UHRF1: variants seen among roughly 807,000 people sequenced by gnomAD.
The protein encoded by UHRF1 is ubiquitin like with PHD and ring finger domains 1.
Under a neutral mutation model 96.5 loss-of-function variants are expected in UHRF1, and 9 were observed. That is an observed-to-expected ratio of 0.09 (90% confidence interval 0.06 to 0.16). The LOEUF (loss-of-function observed/expected upper bound fraction) is 0.16. Ranked by LOEUF, UHRF1 falls within the 10% of genes least tolerant of loss-of-function variation. The pLI is 1.00. For synonymous variants in UHRF1, 455 were observed against 469.9 expected, an observed-to-expected ratio of 0.97 and a Z score of 0.41; for missense variants, 626 against 1,131.1, an observed-to-expected ratio of 0.55 and a Z score of 6.40.
chr19:4,946,624 G>A (rs1404471042), intron 10 of UHRF1, among the ~76,000 whole-genome samples: 3 of 151,576 alleles, frequency 2.0e-5, no homozygotes, highest in Non-Finnish European at 4.4e-5. Context: ...ATTCTGGCTG[G>A]AGTGCAGTGG....
At chr19:4,955,105 T>C (rs1190529427) in intron 15 of UHRF1, among the ~76,000 whole-genome samples, 1 of 151,558 alleles carries the variant, frequency 6.6e-6, no homozygotes, top group East Asian at 1.9e-4. Context: ...GCTCCCCAGC[T>C]CCGGCACCCC....
In UHRF1 at chr19:4,932,761, T is replaced by C; in HGVS notation, c.590T>C (p.Val197Ala). ...CCCAGCTACCCGGAGAACGGCGTGG[T>C]CCAGATGAACTCCAGGGACGTCCGA... ...KYDDYPENGV[V>A]QMNSRDVRAR... Residue 197 changes from valine to alanine, a missense_variant, in exon 5 of 17, where the codon GTC becomes GCC. Around this residue, in one of 11 missense-constraint regions of UHRF1, gnomAD observed 198 missense variants for 235.1 expected, o/e 0.84. Coordinates refer to ENST00000650932, the MANE Select transcript of UHRF1 (RefSeq NM_001048201.3). 6.2e-7 allele frequency: 1 copy of C among 1,613,758 alleles called. No individual in the cohort carries two copies. Among genetic ancestry groups the C allele is most frequent in the Non-Finnish European group, 8.5e-7 (1 of 1,179,848 alleles).
intron 9 of UHRF1, 143 bp from the exon 10 acceptor site, chr19:4,945,718 C>G: frequency 1.6e-6 from 1 of 643,360 alleles, no homozygotes; most frequent in Non-Finnish European, 2.9e-6. Context: ...GAGCAGCACA[C>G]GTAGTAGGTG....
chr19:4,942,151 T>TTTTG (rs2033424443), intron 7 of UHRF1, among the ~76,000 whole-genome samples: 1 of 152,142 alleles, frequency 6.6e-6, no homozygotes, highest in African/African-American at 2.4e-5. Flanking sequence ...CTGTTTCTTT[T>TTTTG]TTTGTTTGTT....
At chr19:4,943,367 A>G (rs1024328103) in intron 7 of UHRF1, among the ~76,000 whole-genome samples, 9 of 152,114 alleles carry the variant, frequency 5.9e-5, no homozygotes, top group Non-Finnish European at 1.0e-4. Context: ...TTTCGTAGCC[A>G]CTGTGTTCCT....
chr19:4,941,712 C>A, intron 6 of UHRF1, 33 bp from the exon 7 acceptor site: 1 of 1,555,446 alleles, frequency 6.4e-7, no homozygotes, highest in Non-Finnish European at 8.7e-7. Context: ...TGGCCGGGCC[C>A]CGCCGGAGCT....
intron 4 of UHRF1, among the ~76,000 whole-genome samples, chr19:4,931,829 T>G (rs2033061692): frequency 4.0e-5 from 6 of 150,866 alleles, no homozygotes. Context: ...GGTGTGATCT[T>G]GGCTCATTGC....
At position 4,959,421 on chromosome 19, in the gene UHRF1, C is replaced by G. The variant is rs564915046; in HGVS notation, c.2236-1236C>G. 3.8e-3 allele frequency among the ~76,000 whole-genome samples: 581 copies of G among 152,348 alleles called. 7 individuals are homozygous for G. Among genetic ancestry groups the G allele is most frequent in the Non-Finnish European group, 2.0e-3 (138 of 68,038 alleles). On this transcript the variant is annotated intron_variant, in intron 16 of 16. Coordinates refer to ENST00000650932, the MANE Select transcript of UHRF1 (RefSeq NM_001048201.3). The stretch of plus-strand genomic sequence containing the variant: ...GCCTCTCCCCCATGTGGTCACCGCC[C>G]TCGCCCAGCTGTGTGACGACATGCT...
At chr19:4,953,625 G>T (rs2033776875) in intron 13 of UHRF1, among the ~76,000 whole-genome samples, 12 of 151,878 alleles carry the variant, frequency 7.9e-5, no homozygotes, top group Admixed American at 7.9e-4. Context: ...CACCAGGCTC[G>T]GCTAATTTTT....
chr19:4,911,263 G>C (rs1288273484), intron 2 of UHRF1, among the ~76,000 whole-genome samples: 2 of 152,132 alleles, frequency 1.3e-5, no homozygotes, highest in African/African-American at 2.4e-5. Flanking sequence ...GCTGGCCCTC[G>C]AATCTATAGG....
chr19:4,957,153 T>C (rs1037850154), intron 16 of UHRF1, among the ~76,000 whole-genome samples: 10 of 152,028 alleles, frequency 6.6e-5, no homozygotes, highest in African/African-American at 2.4e-4. Context: ...CCCTTGTACC[T>C]GGGACAGCAG....
intron 7 of UHRF1, 99 bp downstream of exon 7, chr19:4,942,030 T>C: frequency 7.9e-7 from 1 of 1,271,536 alleles, no homozygotes; most frequent in Non-Finnish European, 1.0e-6. Context: ...GCGCGGGGGC[T>C]CACGCCTGCA....
At chr19:4,919,024 ATTT>A (rs144245403) in intron 2 of UHRF1, among the ~76,000 whole-genome samples, 5,299 of 119,222 alleles carry the variant, frequency 0.044, 135 homozygotes, top group Non-Finnish European at 0.071. Context: ...TCCTGACCTC[ATTT>A]TTTTTTTTTT....
chr19:4,936,022 G>A (rs776096512), intron 5 of UHRF1, among the ~76,000 whole-genome samples: 2 of 152,192 alleles, frequency 1.3e-5, no homozygotes, highest in Non-Finnish European at 2.9e-5. Context: ...GCAGGGAAAC[G>A]AAGATACCTG....
At chr19:4,908,634 C>G (rs540789137), upstream of UHRF1, among the ~76,000 whole-genome samples, 1 of 152,154 alleles carries the variant, frequency 6.6e-6, no homozygotes, top group African/African-American at 2.4e-5. Context: ...AGAGGCCCAC[C>G]GCAGTGGCCC....
At chr19:4,905,108 C>CTTTTTTTTTT (rs61443004), upstream of UHRF1, among the ~76,000 whole-genome samples, 1 of 95,192 alleles carries the variant, frequency 1.1e-5, no homozygotes, top group Non-Finnish European at 2.0e-5. Context: ...CGTAAACTTT[C>CTTTTTTTTTT]TTTTTTTTTT....
chr19:4,912,060 T>C (rs181416354), intron 2 of UHRF1, among the ~76,000 whole-genome samples: 1 of 152,290 alleles, frequency 6.6e-6, no homozygotes, highest in East Asian at 1.9e-4. Flanking sequence ...GACCTGATGA[T>C]TAATTTCTCT....
chr19:4,954,682 C>G lies in UHRF1; in HGVS notation c.1990C>G (p.Arg664Gly), dbSNP rs529418789. The G allele has an allele frequency of 1.2e-6, 2 of 1,613,214 alleles. No individual in the cohort carries two copies. Among genetic ancestry groups the G allele is most frequent in the African/African-American group, 2.7e-5 (2 of 75,014 alleles). Reference protein sequence around the residue: ...GGPSRAGSPRRTSKKTKVEPY... With the variant: ...GGPSRAGSPRGTSKKTKVEPY... ...CCCGAGCAGGGCCGGGTCCCCGCGC[C>G]GGACATCCAAGAAAACCAAGGTGGA... The change falls in exon 15 of 17, where the codon CGG (arginine) becomes GGG (glycine). Residue 664 changes from arginine to glycine, a missense_variant. Around this residue, in one of 11 missense-constraint regions of UHRF1, gnomAD observed 90 missense variants for 94.7 expected, o/e 0.95. Coordinates refer to ENST00000650932, the MANE Select transcript of UHRF1 (RefSeq NM_001048201.3). The surrounding 1 kb of genome is among the most constrained non-coding windows in gnomAD (Gnocchi z 5.9).
At chr19:4,904,559 C>T (rs1455493852), upstream of UHRF1, among the ~76,000 whole-genome samples, 5 of 152,146 alleles carry the variant, frequency 3.3e-5, no homozygotes, top group East Asian at 1.9e-4. Flanking sequence ...ATGATCCACC[C>T]GCCTCACTTG....
Sources: allele counts gnomAD v4.1 joint callset (sites outside exome capture counted in the v4.1 genomes callset), GRCh38; gene constraint gnomAD v4.1.1; regional missense constraint gnomAD v4.1.1; non-coding constraint Gnocchi (gnomAD v3.1); transcripts MANE v1.5; gene names NCBI Gene and HGNC (gene_info 2026-07-23, HGNC 2026-07-21).